Variants in HGD observed in about 807,000 individuals in gnomAD.
The protein encoded by HGD is homogentisate 1,2-dioxygenase, also known as homogentisate oxidase.
A neutral mutation model predicts 60.8 loss-of-function variants in HGD; 61 were observed. That is an observed-to-expected ratio of 1.00 (90% CI 0.82 to 1.24). HGD has a LOEUF of 1.24. HGD is among the 50% of genes most tolerant of loss of function. HGD has a pLI of 0.00. For synonymous variants in HGD, 212 were observed against 187.7 expected (o/e 1.13, Z -1.06); for missense variants, 542 against 547.1 (o/e 0.99, Z 0.09).
chr3:120,668,341 A>G (rs1242787160), intron 4 of HGD, among the ~76,000 whole-genome samples: 1 of 152,158 alleles, frequency 6.6e-6, no homozygotes, highest in Non-Finnish European at 1.5e-5. Flanking sequence ...TGAGATTTCC[A>G]TAATTAAGAC....
intron 10 of HGD, among the ~76,000 whole-genome samples, chr3:120,643,640 A>T (rs1266015421): frequency 6.6e-6 from 1 of 152,222 alleles, no homozygotes; most frequent in Non-Finnish European, 1.5e-5. Context: ...GAATAAGTCA[A>T]ATAGACAAAA....
At chr3:120,669,345 C>T (rs1246798666) in intron 4 of HGD, among the ~76,000 whole-genome samples, 1 of 151,594 alleles carries the variant, frequency 6.6e-6, no homozygotes, top group Admixed American at 6.6e-5. Flanking sequence ...TATAAAATTT[C>T]CGCTCATCCA....
chr3:120,659,066 C>G (rs1002394721), intron 4 of HGD, among the ~76,000 whole-genome samples: 1 of 152,188 alleles, frequency 6.6e-6, no homozygotes, highest in African/African-American at 2.4e-5. Flanking sequence ...GAGGCCTTTC[C>G]CACATTGTCT....
intron 4 of HGD, among the ~76,000 whole-genome samples, chr3:120,666,814 A>C (rs550557601): frequency 1.7e-4 from 26 of 152,236 alleles, no homozygotes; most frequent in African/African-American, 5.8e-4. Context: ...GCCCACCCTG[A>C]TACAGCTATT....
chr3:120,629,780 G>A (rs1370155528), intron 13 of HGD, among the ~76,000 whole-genome samples: 2 of 152,152 alleles, frequency 1.3e-5, no homozygotes, highest in Non-Finnish European at 1.5e-5. Context: ...GTGGCAAAGA[G>A]TAATCAGGCA....
intron 9 of HGD, 175 bp from the exon 10 acceptor site, chr3:120,644,618 A>T: frequency 1.3e-6 from 2 of 1,531,272 alleles, no homozygotes; most frequent in Non-Finnish European, 1.7e-6. Flanking sequence ...GACCCAAGGA[A>T]TCTGGTCAGA....
intron 10 of HGD, among the ~76,000 whole-genome samples, chr3:120,642,599 T>C (rs1941023140): frequency 6.6e-6 from 1 of 152,230 alleles, no homozygotes; most frequent in South Asian, 2.1e-4. Context: ...ATGATGATTT[T>C]CTAGCTACCA....
rs776824088 is a variant in HGD, at chr3:120,650,830, C to G, written c.378G>C (p.Lys126Asn). The G allele has an allele frequency of 5.0e-6, 8 of 1,614,094 alleles. No homozygotes were observed. The East Asian group carries it at 1.8e-4, about 36-fold the overall frequency. Reference sequence around the variant, plus strand: ...TGTGGATAGCAAGCCCATTGTTAGACTTTATGTCTCCAGCTCCACACAAGG... The same window carrying G: ...TGTGGATAGCAAGCCCATTGTTAGAGTTTATGTCTCCAGCTCCACACAAGG... ...LHTLCGAGDI[K>N]SNNGLAIHIF... Residue 126 changes from lysine (K) to asparagine (N), a missense_variant, in exon 6 of 14, where the codon AAG (lysine) becomes AAC (asparagine). Coordinates refer to ENST00000283871, the MANE Select transcript of HGD (RefSeq NM_000187.4).
intron 4 of HGD, 25 bp downstream of exon 4, chr3:120,670,402 G>A (rs776804201): frequency 1.5e-5 from 17 of 1,139,366 alleles, no homozygotes; most frequent in South Asian, 1.2e-4. Context: ...TATATGATAA[G>A]CTTCAATTCA....
At chr3:120,670,789 C>T (rs887882348) in intron 3 of HGD, among the ~76,000 whole-genome samples, 9 of 151,970 alleles carry the variant, frequency 5.9e-5, no homozygotes, top group African/African-American at 1.7e-4. Context: ...TTCCATGCTG[C>T]CAAAAAATGA....
chr3:120,651,500 C>T (rs1333256156), intron 5 of HGD, among the ~76,000 whole-genome samples: 1 of 152,156 alleles, frequency 6.6e-6, no homozygotes, highest in Non-Finnish European at 1.5e-5. Context: ...ACAATTCACA[C>T]AAGAAAGGAG....
At chr3:120,632,680 G>C (rs888072325) in intron 13 of HGD, among the ~76,000 whole-genome samples, 1 of 152,220 alleles carries the variant, frequency 6.6e-6, no homozygotes, top group Non-Finnish European at 1.5e-5. Context: ...TCAAAACGCA[G>C]AAGACTCTGA....
chr3:120,652,290 T>A (rs1361272515), intron 5 of HGD, among the ~76,000 whole-genome samples: 1 of 152,082 alleles, frequency 6.6e-6, no homozygotes, highest in Non-Finnish European at 1.5e-5. Context: ...GACATCAAAG[T>A]GAGAAAAAGG....
intron 10 of HGD, among the ~76,000 whole-genome samples, chr3:120,642,994 G>T (rs1941036948): frequency 6.6e-6 from 1 of 152,208 alleles, no homozygotes; most frequent in Non-Finnish European, 1.5e-5. Context: ...GCTACTGGCT[G>T]CTTCTACAAT....
chr3:120,628,662 G>C, intron 13 of HGD, 133 bp from the exon 14 acceptor site: 1 of 1,067,214 alleles, frequency 9.4e-7, no homozygotes, highest in Admixed American at 1.9e-5. Flanking sequence ...TGCTAGAGTG[G>C]TGAGGAGAGC....
Position 120,647,057 on chromosome 3 carries a change from C to T in HGD, c.470-5G>A, listed in dbSNP as rs980173157. 1.2e-6 allele frequency: 2 copies of T among 1,612,232 alleles called. No individual in the cohort carries two copies. The stretch of plus-strand genomic sequence containing the variant: ...GAAGGTTCCCTTTCTGCGGAACTGA[C>T]AAAAAAAGACAGGGCAGTGGTGAGC... On this transcript the variant is annotated splice_region_variant and splice_polypyrimidine_tract_variant and intron_variant, in intron 7 of 13. Coordinates refer to ENST00000283871, the MANE Select transcript of HGD (RefSeq NM_000187.4).
At chr3:120,646,193 G>T in intron 9 of HGD, 74 bp downstream of exon 9, 1 of 922,556 alleles carries the variant, frequency 1.1e-6, no homozygotes, top group Non-Finnish European at 1.8e-6. Context: ...AAGGGAGAAG[G>T]ATGTTTAACT....
At chr3:120,633,615 A>C (rs1940662090) in intron 12 of HGD, 3 of 1,361,426 alleles carry the variant, frequency 2.2e-6, no homozygotes, top group African/African-American at 2.9e-5. Flanking sequence ...GGCCCAGAGA[A>C]GATAATAATA....
chr3:120,670,520 C>A lies in HGD; in HGVS notation c.189G>T (p.Arg63Ser), dbSNP rs1390061303. 2 of 1,590,064 alleles carry A rather than the reference C, an allele frequency of 1.3e-6. No individual in the cohort carries two copies. The highest frequency in any genetic ancestry group is 1.1e-5 in the South Asian group (1 of 90,636). The change falls in exon 4 of 14, where the codon AGG (arginine) becomes AGT (serine). Residue 63 changes from arginine (R) to serine (S), a missense_variant. Coordinates refer to ENST00000283871, the MANE Select transcript of HGD (RefSeq NM_000187.4). ...RSTNKRSWLY[R>S]ILPSVSHKPF... is the part of the protein sequence containing the mutation. ...GCTTGTGAGAAACTGAAGGTAGAAT[C>A]CTATACAGCCAGCTAGAGGGAAAAA...
Sources: gnomAD v4.1 joint callset for allele counts (sites outside exome capture counted in the v4.1 genomes callset) on GRCh38, gnomAD v4.1.1 for gene constraint, MANE v1.5 for transcripts, NCBI Gene and HGNC (gene_info 2026-07-23, HGNC 2026-07-21) for gene names.